The following CNTN5 variants were observed in gnomAD, a reference collection of about 807,000 sequenced individuals.
CNTN5 encodes the protein contactin-5.
A neutral mutation model predicts 129.1 loss-of-function variants in CNTN5; 77 were observed. That is an observed-to-expected ratio of 0.60 (90% CI 0.50 to 0.72). The LOEUF is 0.72. Ranked by LOEUF, CNTN5 falls within the 30% of genes least tolerant of loss-of-function variation. CNTN5 has a pLI of 0.00. For missense variants in CNTN5, 1,478 were observed against 1,328.8 expected, an observed-to-expected ratio of 1.11 and a Z score of -1.75; for synonymous variants, 509 against 465.6, an observed-to-expected ratio of 1.09 and a Z score of -1.20.
intron 13 of CNTN5, among the ~76,000 whole-genome samples, chr11:100,090,465 TTC>T (rs534889526): frequency 0.025 from 1,435 of 57,512 alleles, 40 homozygotes; most frequent in African/African-American, 0.17. Context: ...TTCTCTTTCT[TTC>T]TTTTTCTCTC....
rs1447399285 is a variant in CNTN5, at chr11:99,834,536, C to T, written c.278-10316C>T. On this transcript the variant is annotated intron_variant, in intron 4 of 24. Transcript: ENST00000524871. ...GTTTCAAGAAAAGAAAAGACCAAAC[C>T]ACAATTTTACAGCAAACGATTGCAC... Among the ~76,000 whole-genome samples the T allele has an allele frequency of 2.6e-5, 4 of 152,026 alleles. No homozygotes were observed. The East Asian group carries it at 5.8e-4, about 22-fold the overall frequency.
At chr11:99,361,218 CTT>C in intron 2 of CNTN5, among the ~76,000 whole-genome samples, 1 of 152,248 alleles carries the variant, frequency 6.6e-6, no homozygotes, top group Non-Finnish European at 1.5e-5. Context: ...CTCTATAGCT[CTT>C]CTTTTCTTCT....
intron 8 of CNTN5, among the ~76,000 whole-genome samples, chr11:99,957,534 G>A (rs11222042): frequency 0.054 from 8,231 of 152,130 alleles, 259 homozygotes; most frequent in Non-Finnish European, 0.074. Flanking sequence ...TTATAGTATT[G>A]CCATCTATCC....
At chr11:99,192,077 C>T (rs961505120) in intron 1 of CNTN5, among the ~76,000 whole-genome samples, 2 of 151,352 alleles carry the variant, frequency 1.3e-5, no homozygotes, top group African/African-American at 4.8e-5. Flanking sequence ...ACCACATGAT[C>T]ATCTCAATAG....
At chr11:99,908,616 A>T (rs781591125) in intron 6 of CNTN5, among the ~76,000 whole-genome samples, 1 of 152,102 alleles carries the variant, frequency 6.6e-6, no homozygotes, top group Non-Finnish European at 1.5e-5. Context: ...GCCAGAGTTC[A>T]TAGACTATAT....
intron 3 of CNTN5, among the ~76,000 whole-genome samples, chr11:99,568,501 G>T (rs1949077564): frequency 6.6e-6 from 1 of 152,116 alleles, no homozygotes; most frequent in African/African-American, 2.4e-5. Flanking sequence ...GCAGTCATTT[G>T]AATAATTTGT....
At chr11:99,455,977 A>C (rs113502151) in intron 2 of CNTN5, among the ~76,000 whole-genome samples, 1,888 of 152,242 alleles carry the variant, frequency 0.012, 46 homozygotes, top group African/African-American at 0.043. Context: ...GTAGTTGCCA[A>C]AACAACCAGG....
chr11:100,130,703 T>C (rs937824256), intron 13 of CNTN5, among the ~76,000 whole-genome samples: 2 of 151,954 alleles, frequency 1.3e-5, no homozygotes, highest in Non-Finnish European at 2.9e-5. Context: ...TTCTCCTAGA[T>C]AAGATTTGGA....
At chr11:99,495,167 G>C (rs867564267) in intron 2 of CNTN5, among the ~76,000 whole-genome samples, 14 of 152,094 alleles carry the variant, frequency 9.2e-5, no homozygotes, top group South Asian at 2.1e-4. Context: ...AGGAGTTCAA[G>C]ACCAGCCTGA....
intron 1 of CNTN5, among the ~76,000 whole-genome samples, chr11:99,107,665 C>T (rs1458307705): frequency 6.6e-6 from 1 of 151,932 alleles, no homozygotes; most frequent in African/African-American, 2.4e-5. Flanking sequence ...GGCGCAGTGG[C>T]TCACACCTGT....
chr11:99,750,536 G>A (rs142711368), intron 3 of CNTN5, among the ~76,000 whole-genome samples: 1,836 of 144,340 alleles, frequency 0.013, 134 homozygotes, highest in Admixed American at 0.1. Context: ...TAAGATAGAA[G>A]AGTGGTAGCT....
chr11:99,693,129 T>A (rs1954109773), intron 3 of CNTN5, among the ~76,000 whole-genome samples: 1 of 152,208 alleles, frequency 6.6e-6, no homozygotes, highest in Non-Finnish European at 1.5e-5. Flanking sequence ...AAATATGTAC[T>A]TCTAGCTATT....
In CNTN5 at chr11:100,094,764, GAAA is replaced by G. The variant is rs781029997; in HGVS notation, c.1580+20471_1580+20473del. On this transcript the variant is annotated intron_variant, in intron 13 of 24. Transcript: ENST00000524871. ...AAAGAAGAAGGAGGGAGGGAGGGAGGAAAGGAAGGAAGGAAGGAAGGAAGGAAG... is the reference window on the plus strand; with the variant it reads ...AAAGAAGAAGGAGGGAGGGAGGGAGGGGAAGGAAGGAAGGAAGGAAGGAAG... 4.6e-3 allele frequency among the ~76,000 whole-genome samples: 588 copies of G among 126,810 alleles called. 1 individual carries two copies. The highest frequency in any genetic ancestry group is 0.024 in the South Asian group (90 of 3,738). The allele number at this position is 126,810 out of a possible 152,430, so 83.2% of individuals were successfully genotyped here.
chr11:100,243,557 G>A (rs1175859658), intron 16 of CNTN5, among the ~76,000 whole-genome samples: 3 of 152,104 alleles, frequency 2.0e-5, no homozygotes, highest in African/African-American at 4.8e-5. Flanking sequence ...TAATTTGTGT[G>A]GTCACCAGCT....
In CNTN5 at chr11:99,819,671, A is replaced by G. The variant is rs775466035; in HGVS notation, c.183A>G (p.Thr61=). Reference sequence around the variant, plus strand: ...GATACAGCAGCCCTTCATTAGGAACACTGAGTGCTTCTTCACCCAGCTGGC... The same window carrying G: ...GATACAGCAGCCCTTCATTAGGAACGCTGAGTGCTTCTTCACCCAGCTGGC... ...RPRYSSPSLG[T]LSASSPSWLG... Residue 61 remains threonine (T), a synonymous_variant, in exon 4 of 25, where the codon ACA becomes ACG. Transcript: ENST00000524871. 1.9e-6 allele frequency: 3 copies of G among 1,612,854 alleles called. No homozygotes were observed. The highest frequency in any genetic ancestry group is 2.2e-5 in the East Asian group (1 of 44,868).
chr11:100,020,746 A>G (rs1413462978), intron 9 of CNTN5, among the ~76,000 whole-genome samples: 1 of 152,142 alleles, frequency 6.6e-6, no homozygotes, highest in Admixed American at 6.6e-5. Flanking sequence ...TACAAAATCA[A>G]CAGACAAAAA....
At chr11:99,769,674 T>G (rs982014900) in intron 3 of CNTN5, among the ~76,000 whole-genome samples, 1 of 151,868 alleles carries the variant, frequency 6.6e-6, no homozygotes. Flanking sequence ...CCCAGCCAGG[T>G]GTGGTGGTGC....
At chr11:100,258,312 C>T (rs1470948502) in intron 17 of CNTN5, among the ~76,000 whole-genome samples, 1 of 152,120 alleles carries the variant, frequency 6.6e-6, no homozygotes, top group Non-Finnish European at 1.5e-5. Flanking sequence ...ATACGTTTGA[C>T]TGGTGTACCT....
intron 3 of CNTN5, among the ~76,000 whole-genome samples, chr11:99,676,142 G>T (rs1953273407): frequency 6.6e-6 from 1 of 151,474 alleles, no homozygotes; most frequent in African/African-American, 2.4e-5. Flanking sequence ...TTCATATTGT[G>T]ATTTATAATT....
Sources: allele counts gnomAD v4.1 joint callset (sites outside exome capture counted in the v4.1 genomes callset), GRCh38; gene constraint gnomAD v4.1.1; transcripts MANE v1.5; gene names NCBI Gene and HGNC (gene_info 2026-07-23, HGNC 2026-07-21).